CDH4: variants seen among roughly 807,000 people sequenced by gnomAD.
The protein encoded by CDH4 is cadherin 4, also known as cadherin-4.
A neutral mutation model predicts 86.0 loss-of-function variants in CDH4; 33 were observed. The ratio of observed to expected loss-of-function variants is 0.38; its 90% confidence interval spans 0.29 to 0.51. The LOEUF (loss-of-function observed/expected upper bound fraction) is 0.51. Ranked by LOEUF, CDH4 falls within the 20% of genes least tolerant of loss-of-function variation. CDH4 has a pLI of 0.86. For synonymous variants in CDH4, 555 were observed against 549.4 expected (o/e 1.01, Z -0.14); for missense variants, 1,114 against 1,307.4 (o/e 0.85, Z 2.28).
At chr20:61,498,559 C>T (rs1395214973) in intron 2 of CDH4, among the ~76,000 whole-genome samples, 2 of 152,132 alleles carry the variant, frequency 1.3e-5, no homozygotes, top group Non-Finnish European at 2.9e-5. Context: ...CACATAGTGA[C>T]CCTCCTTTCC....
chr20:61,596,674 C>A (rs2086559582), intron 2 of CDH4, among the ~76,000 whole-genome samples: 1 of 152,268 alleles, frequency 6.6e-6, no homozygotes, highest in Admixed American at 6.5e-5. Context: ...CAGCTGTGAA[C>A]ACAACAGATG....
chr20:61,743,333 A>C, intron 2 of CDH4, among the ~76,000 whole-genome samples: 1 of 152,216 alleles, frequency 6.6e-6, no homozygotes, highest in East Asian at 1.9e-4. Flanking sequence ...TGTAAATAGA[A>C]TGGAAGCTCA....
intron 2 of CDH4, among the ~76,000 whole-genome samples, chr20:61,413,559 T>A (rs2085131312): frequency 6.6e-6 from 1 of 152,192 alleles, no homozygotes; most frequent in African/African-American, 2.4e-5. Flanking sequence ...GTCTTGTGCC[T>A]AACACACCCC....
chr20:61,303,489 T>G (rs2084396997), intron 2 of CDH4, among the ~76,000 whole-genome samples: 1 of 152,172 alleles, frequency 6.6e-6, no homozygotes, highest in Non-Finnish European at 1.5e-5. Flanking sequence ...TGGCTGCCCC[T>G]CTTCCCCTTC....
At chr20:61,627,593 G>C (rs1425812394) in intron 2 of CDH4, among the ~76,000 whole-genome samples, 1 of 152,156 alleles carries the variant, frequency 6.6e-6, no homozygotes, top group African/African-American at 2.4e-5. Flanking sequence ...ACTGCTTTTT[G>C]TTTTTATAAA....
intron 4 of CDH4, among the ~76,000 whole-genome samples, chr20:61,819,411 G>T (rs892052469): frequency 6.6e-6 from 1 of 151,242 alleles, no homozygotes; most frequent in Non-Finnish European, 1.5e-5. Context: ...GCATTCGCTC[G>T]CTCTGCCCCG....
intron 11 of CDH4, among the ~76,000 whole-genome samples, chr20:61,927,391 C>T (rs959727942): frequency 6.6e-6 from 1 of 152,130 alleles, no homozygotes; most frequent in Non-Finnish European, 1.5e-5. Flanking sequence ...TCTGGGGGCT[C>T]GGCAGAGCAC....
At chr20:61,522,274 G>A (rs976639118) in intron 2 of CDH4, among the ~76,000 whole-genome samples, 8 of 152,138 alleles carry the variant, frequency 5.3e-5, no homozygotes, top group East Asian at 1.9e-4. Context: ...AGGCCGGATC[G>A]GGAACCCCCC....
At chr20:61,506,856 G>A (rs1171836822) in intron 2 of CDH4, among the ~76,000 whole-genome samples, 5 of 152,168 alleles carry the variant, frequency 3.3e-5, no homozygotes, top group Admixed American at 2.0e-4. Context: ...AAACATTTGC[G>A]AAAGGAACCA....
rs1025301823 is a variant in CDH4, at chr20:61,304,010, C to T, written c.169+49073C>T. 3.3e-5 allele frequency among the ~76,000 whole-genome samples: 5 copies of T among 152,140 alleles called. No individual in the cohort carries two copies. The East Asian group carries it at 5.8e-4, about 18-fold the overall frequency. On this transcript the variant is annotated intron_variant, in intron 2 of 15. Coordinates refer to ENST00000614565, the MANE Select transcript of CDH4 (RefSeq NM_001794.5). ...GTTAACACGGCCGTAGGGATAGGCT[C>T]CTGCCAGTGGCTTCATTTCACACGT...
At chr20:61,317,679 G>T (rs1281362290) in intron 2 of CDH4, among the ~76,000 whole-genome samples, 1 of 152,128 alleles carries the variant, frequency 6.6e-6, no homozygotes, top group Non-Finnish European at 1.5e-5. Context: ...TCCCCTAGGT[G>T]CCACAACCAA....
chr20:61,824,318 A>G (rs909286646), intron 4 of CDH4, among the ~76,000 whole-genome samples: 2 of 151,448 alleles, frequency 1.3e-5, no homozygotes, highest in African/African-American at 4.9e-5. Context: ...ATGGCTTGAG[A>G]TGAGTGTTGG....
chr20:61,495,480 T>G (rs948965977), intron 2 of CDH4, among the ~76,000 whole-genome samples: 3 of 152,180 alleles, frequency 2.0e-5, no homozygotes, highest in African/African-American at 7.2e-5. Flanking sequence ...AGCCCGGGAC[T>G]GCCCAGCAGG....
Position 61,940,433 on chromosome 20 carries a change from G to GTTT in CDH4, c.*3492_*3493insTTT, listed in dbSNP as rs957699101. On this transcript the variant is annotated 3_prime_UTR_variant, in exon 16 of 16. Transcript: ENST00000614565. ...GTCAACAGCACAACTATTTTGTATT[G>GTTT]TTGTTTGTATCATTTTGTACCAAAA... 4 of 148,964 alleles carry GTTT rather than the reference G, an allele frequency of 2.7e-5. No individual in the cohort carries two copies. The highest frequency in any genetic ancestry group is 9.9e-5 in the African/African-American group (4 of 40,272). The allele number at this position is 148,964 out of a possible 1,614,324, so 9.2% of individuals were successfully genotyped here.
intron 4 of CDH4, among the ~76,000 whole-genome samples, chr20:61,839,720 TTGAG>T (rs776774471): frequency 6.6e-5 from 10 of 151,814 alleles, no homozygotes; most frequent in East Asian, 1.9e-4. Flanking sequence ...CGTTTGTGTA[TTGAG>T]TGTGTGTGTT....
chr20:61,400,569 C>A (rs1321402412), intron 2 of CDH4, among the ~76,000 whole-genome samples: 1 of 152,226 alleles, frequency 6.6e-6, no homozygotes, highest in African/African-American at 2.4e-5. Flanking sequence ...TCTGTAGGGA[C>A]TCTGCTCCAT....
intron 11 of CDH4, among the ~76,000 whole-genome samples, 168 bp downstream of exon 11, chr20:61,924,644 G>A (rs1207496946): frequency 1.3e-5 from 2 of 152,060 alleles, no homozygotes; most frequent in African/African-American, 4.8e-5. Context: ...GATCAGGGCT[G>A]CGTCATCTCA....
At chr20:61,462,042 G>T (rs377049785) in intron 2 of CDH4, among the ~76,000 whole-genome samples, 8 of 152,164 alleles carry the variant, frequency 5.3e-5, no homozygotes, top group African/African-American at 1.9e-4. Flanking sequence ...CGGCAGTAAG[G>T]CTTCTTGACA....
Position 61,422,455 on chromosome 20 carries a change from AAAAAAAAAAAAAC to A in CDH4, c.169+167519_169+167531del, listed in dbSNP as rs1568838415. Among the ~76,000 whole-genome samples the A allele has an allele frequency of 6.8e-3, 482 of 70,930 alleles. 42 individuals carry two copies. The highest frequency in any genetic ancestry group is 9.9e-3 in the Non-Finnish European group (358 of 36,278). 46.5% of individuals were successfully genotyped at this position (70,930 alleles called of 152,430 possible). The stretch of plus-strand genomic sequence containing the variant: ...AAAAAAAAAAAAAAAAAAAAAAAAA[AAAAAAAAAAAAAC>A]CAAATCTCCCCAAGTGTCTTCTTTA... On this transcript the variant is annotated intron_variant, in intron 2 of 15. Transcript: ENST00000614565.
Sources: allele counts gnomAD v4.1 joint callset (sites outside exome capture counted in the v4.1 genomes callset), GRCh38; gene constraint gnomAD v4.1.1; transcripts MANE v1.5; gene names NCBI Gene and HGNC (gene_info 2026-07-23, HGNC 2026-07-21).